Variants in PHF2 observed in about 807,000 individuals in gnomAD.
PHF2 encodes lysine-specific demethylase PHF2.
In PHF2, 27 loss-of-function variants were observed where a neutral mutation model predicts 120.5. The observed-to-expected ratio is 0.22, with a 90% CI of 0.17 to 0.31. PHF2 has a LOEUF of 0.31. Ranked by LOEUF, PHF2 falls within the 10% of genes least tolerant of loss-of-function variation. The pLI is 1.00. For missense variants in PHF2, 1,024 were observed against 1,434.8 expected, an observed-to-expected ratio of 0.71 and a Z score of 4.63; for synonymous variants, 568 against 592.5, an observed-to-expected ratio of 0.96 and a Z score of 0.60.
At chr9:93,663,105 G>C in intron 13 of PHF2, 79 bp downstream of exon 13, 2 of 1,574,520 alleles carry the variant, frequency 1.3e-6, no homozygotes, top group African/African-American at 1.3e-5. Context: ...GTGAGGCCCT[G>C]TGTGTGTGAA....
At chr9:93,661,288 G>A (rs1180804495) in intron 12 of PHF2, among the ~76,000 whole-genome samples, 1 of 152,152 alleles carries the variant, frequency 6.6e-6, no homozygotes, top group Admixed American at 6.5e-5. Flanking sequence ...TGGGGGCCAG[G>A]AAACTTCAGG....
At chr9:93,672,971 G>T (rs1176071468) in intron 17 of PHF2, among the ~76,000 whole-genome samples, 1 of 151,822 alleles carries the variant, frequency 6.6e-6, no homozygotes, top group East Asian at 1.9e-4. Flanking sequence ...AGTAGGTGCA[G>T]GTGTAGATGC....
In PHF2 at chr9:93,630,063, C is replaced by A; in HGVS notation, c.184+8C>A. 1 of 1,612,304 alleles carries A rather than the reference C, an allele frequency of 6.2e-7. No individual in the cohort carries two copies. Among genetic ancestry groups the A allele is most frequent in the South Asian group, 1.1e-5 (1 of 91,000 alleles). ...CCCATGGGAAGTCCACCTGTAAGTA[C>A]CGCAGCCCAAGCGGCCATCTCTTGC... On this transcript the variant is annotated splice_region_variant and intron_variant, in intron 2 of 21. Transcript: ENST00000359246.
Position 93,576,857 on chromosome 9 carries a change from C to A in PHF2, c.84C>A (p.Asp28Glu). 1 of 1,266,598 alleles carries A rather than the reference C, an allele frequency of 7.9e-7. No homozygotes were observed. The highest frequency in any genetic ancestry group is 1.0e-6 in the Non-Finnish European group (1 of 968,814). 78.5% of individuals were successfully genotyped at this position (1,266,598 alleles called of 1,614,324 possible). ...TGATCGAGTGCGACGCCTGCAAGGA[C>A]TGGTTCCACGGCAGGTGAGCGCGCG... Reference protein sequence around the residue: ...RFMIECDACKDWFHGSCVGVE... With the variant: ...RFMIECDACKEWFHGSCVGVE... Residue 28 changes from aspartate (D) to glutamate (E), a missense_variant, in exon 1 of 22, where the codon GAC becomes GAA. By Grantham distance (45) the Asp-to-Glu change is conservative. Around this residue, in one of 2 missense-constraint regions of PHF2, gnomAD observed 347 missense variants for 577.4 expected, o/e 0.60. Transcript: ENST00000359246.
chr9:93,605,559 A>G (rs955426284), intron 1 of PHF2, among the ~76,000 whole-genome samples: 5 of 152,302 alleles, frequency 3.3e-5, no homozygotes, highest in African/African-American at 1.2e-4. Flanking sequence ...TACTGTCTCC[A>G]TATCTTTGCC....
intron 1 of PHF2, among the ~76,000 whole-genome samples, chr9:93,612,058 G>A (rs952805122): frequency 6.6e-6 from 1 of 152,164 alleles, no homozygotes; most frequent in Non-Finnish European, 1.5e-5. Flanking sequence ...ACACAAAAAA[G>A]GTGTGTCTCT....
chr9:93,665,580 G>A (rs1271293396), intron 14 of PHF2, 106 bp from the exon 15 acceptor site: 1 of 1,243,966 alleles, frequency 8.0e-7, no homozygotes, highest in Non-Finnish European at 1.1e-6. Flanking sequence ...CTGCCTCCTG[G>A]AGGCCATCCT....
At chr9:93,610,548 C>A (rs1825617033) in intron 1 of PHF2, among the ~76,000 whole-genome samples, 1 of 152,218 alleles carries the variant, frequency 6.6e-6, no homozygotes, top group Non-Finnish European at 1.5e-5. Flanking sequence ...GTGATCTGAT[C>A]ATTGCAACAT....
At position 93,677,805 on chromosome 9, in the gene PHF2, CCAA is replaced by C. The variant is rs1227353842; in HGVS notation, c.*133_*135del. ...TTGCCTCTTCCCGGCTGCCATCTCCCCAACAAGCGTCTGTCCCTTCAGCCGGCA... is the reference window on the plus strand; with the variant it reads ...TTGCCTCTTCCCGGCTGCCATCTCCCCAAGCGTCTGTCCCTTCAGCCGGCA... On this transcript the variant is annotated 3_prime_UTR_variant, in exon 22 of 22. Transcript: ENST00000359246. The surrounding 1 kb of genome is among the most constrained non-coding windows in gnomAD (Gnocchi z 4.4). The C allele has an allele frequency of 1.5e-6, 1 of 668,254 alleles. No homozygotes were observed. The highest frequency in any genetic ancestry group is 2.6e-6 in the Non-Finnish European group (1 of 377,364). 41.4% of individuals were successfully genotyped at this position (668,254 alleles called of 1,614,324 possible).
At chr9:93,672,409 T>C in intron 17 of PHF2, 2 of 349,954 alleles carry the variant, frequency 5.7e-6, no homozygotes, top group Non-Finnish European at 6.9e-6. Flanking sequence ...CAGGTGCAGG[T>C]GTGGGTGTGG....
chr9:93,648,659 T>G (rs1463352513), intron 4 of PHF2, among the ~76,000 whole-genome samples: 1 of 152,200 alleles, frequency 6.6e-6, no homozygotes, highest in African/African-American at 2.4e-5. Flanking sequence ...ATTCTCAGAG[T>G]AATGAATTGG....
intron 1 of PHF2, among the ~76,000 whole-genome samples, chr9:93,599,821 G>A (rs1255302492): frequency 6.6e-6 from 1 of 152,214 alleles, no homozygotes; most frequent in African/African-American, 2.4e-5. Context: ...GCCCAGCCAC[G>A]CTCCCAGTTC....
At chr9:93,607,136 G>A (rs1476038186) in intron 1 of PHF2, among the ~76,000 whole-genome samples, 2 of 152,172 alleles carry the variant, frequency 1.3e-5, no homozygotes, top group Non-Finnish European at 2.9e-5. Flanking sequence ...GTCATGGAGT[G>A]TCAGTCCTCT....
intron 3 of PHF2, among the ~76,000 whole-genome samples, chr9:93,637,987 A>G (rs1265391336): frequency 1.3e-5 from 2 of 152,170 alleles, no homozygotes; most frequent in African/African-American, 4.8e-5. Flanking sequence ...GCGAGTGGGT[A>G]TGAACTGGTA....
intron 1 of PHF2, among the ~76,000 whole-genome samples, chr9:93,615,810 A>G (rs1277182494): frequency 6.6e-6 from 1 of 152,194 alleles, no homozygotes; most frequent in African/African-American, 2.4e-5. Context: ...GTTTGGAGAC[A>G]GGGGTCCTCA....
intron 5 of PHF2, 78 bp from the exon 6 acceptor site, chr9:93,653,101 C>G (rs1826396346): frequency 7.3e-7 from 1 of 1,373,460 alleles, no homozygotes; most frequent in Non-Finnish European, 1.0e-6. Context: ...ACATGCCTCA[C>G]AGAACATGTT....
intron 17 of PHF2, chr9:93,672,413 G>GGTGTGGGAGTAGGCACAGGTGTGA (rs1826819658): frequency 4.8e-6 from 1 of 206,296 alleles, no homozygotes; most frequent in African/African-American, 8.5e-5. Flanking sequence ...TGCAGGTGTG[G>GGTGTGGGAGTAGGCACAGGTGTGA]GTGTGGGAGT....
intron 1 of PHF2, among the ~76,000 whole-genome samples, chr9:93,604,937 C>T (rs1825512196): frequency 6.6e-6 from 1 of 152,108 alleles, no homozygotes; most frequent in South Asian, 2.1e-4. Context: ...CCCCACATTT[C>T]CCCAGAATCT....
intron 3 of PHF2, among the ~76,000 whole-genome samples, chr9:93,644,651 T>G (rs944655862): frequency 6.6e-6 from 1 of 152,124 alleles, no homozygotes; most frequent in Non-Finnish European, 1.5e-5. Context: ...CATAGAAGCA[T>G]GTCCCCAGGG....
Sources: allele counts gnomAD v4.1 joint callset (sites outside exome capture counted in the v4.1 genomes callset), GRCh38; gene constraint gnomAD v4.1.1; regional missense constraint gnomAD v4.1.1; non-coding constraint Gnocchi (gnomAD v3.1); transcripts MANE v1.5; gene names NCBI Gene and HGNC (gene_info 2026-07-23, HGNC 2026-07-21).